Variants in ATP2B2 observed in about 807,000 individuals in gnomAD.
ATP2B2 encodes the protein ATPase plasma membrane Ca2+ transporting 2, also known as plasma membrane calcium-transporting ATPase 2.
Under a neutral mutation model 120.0 loss-of-function variants are expected in ATP2B2, and 15 were observed. The observed-to-expected ratio is 0.12, with a 90% CI of 0.08 to 0.19. The LOEUF (loss-of-function observed/expected upper bound fraction) is 0.19. Among genes scored for constraint, ATP2B2 ranks in the 10% least tolerant of loss-of-function variants. The pLI is 1.00. For synonymous variants in ATP2B2, 694 were observed against 700.3 expected (o/e 0.99, Z 0.14); for missense variants, 1,045 against 1,719.8 (o/e 0.61, Z 6.94).
intron 1 of ATP2B2, among the ~76,000 whole-genome samples, chr3:10,501,529 C>A (rs1320863643): frequency 6.6e-6 from 1 of 152,112 alleles, no homozygotes; most frequent in Non-Finnish European, 1.5e-5. Context: ...TGCCACCACA[C>A]CCTGCTAATT....
chr3:10,336,128 C>T lies in ATP2B2; in HGVS notation c.3420+2048G>A. The T allele has an allele frequency of 3.9e-6, 6 of 1,550,394 alleles. No homozygotes were observed. Among genetic ancestry groups the T allele is most frequent in the East Asian group, 2.4e-5 (1 of 40,914 alleles). Reference sequence around the variant, plus strand: ...CGGAGGCAGTAAGGAGTCACACTCACGCCCGGCTGCAGCAGGAGGAAGGCT... The same window carrying T: ...CGGAGGCAGTAAGGAGTCACACTCATGCCCGGCTGCAGCAGGAGGAAGGCT... On this transcript the variant is annotated intron_variant, in intron 22 of 22. Transcript: ENST00000360273.
Position 10,358,763 on chromosome 3 carries a change from G to A in ATP2B2, c.2064C>T (p.Asp688=), listed in dbSNP as rs1459767359. 1 of 1,614,224 alleles carries A rather than the reference G, an allele frequency of 6.2e-7. No individual in the cohort carries two copies. Among genetic ancestry groups the A allele is most frequent in the East Asian group, 2.2e-5 (1 of 44,876 alleles). Residue 688 remains aspartate, a synonymous_variant, in exon 14 of 23, where the codon GAC becomes GAT. Coordinates refer to ENST00000360273, the MANE Select transcript of ATP2B2 (RefSeq NM_001001331.4). ...DFPSSPEPDW[D]NENDILNELT... Reference sequence around the variant, plus strand: ...GTTCGTTGAGGATGTCATTCTCATTGTCCCAGTCCGGCTCCGGGCTGCTGG... The same window carrying A: ...GTTCGTTGAGGATGTCATTCTCATTATCCCAGTCCGGCTCCGGGCTGCTGG...
chr3:10,511,535 G>A (rs1474728821), intron 3 of ATP2B2, among the ~76,000 whole-genome samples: 1 of 152,170 alleles, frequency 6.6e-6, no homozygotes, highest in Non-Finnish European at 1.5e-5. Flanking sequence ...GACGCATTTA[G>A]GGGTCCTGGC....
Position 10,526,720 on chromosome 3 carries a change from A to G in ATP2B2, c.-320+7319T>C, listed in dbSNP as rs145618897. On this transcript the variant is annotated intron_variant, in intron 3 of 21. Transcript: ENST00000646379. The stretch of plus-strand genomic sequence containing the variant: ...CAGTGAGGGGGTGTGGGGAGTGGAA[A>G]GAATAGGGACTGAGGGGTAGGAGGA... Among the ~76,000 whole-genome samples, 372 of 152,220 alleles carry G rather than the reference A, an allele frequency of 2.4e-3. 6 individuals carry two copies. In the East Asian group the frequency reaches 0.033, roughly 14 times the overall value.
chr3:10,392,578 T>C (rs2061890394), intron 5 of ATP2B2, among the ~76,000 whole-genome samples: 1 of 152,190 alleles, frequency 6.6e-6, no homozygotes, highest in South Asian at 2.1e-4. Flanking sequence ...GGGAACCTCT[T>C]GGGGATGGAG....
At chr3:10,678,708 G>A (rs956417116) in intron 1 of ATP2B2, among the ~76,000 whole-genome samples, 4 of 152,106 alleles carry the variant, frequency 2.6e-5, no homozygotes, top group Non-Finnish European at 5.9e-5. Context: ...GTGTAACTTG[G>A]GTTAACCCAT....
intron 1 of ATP2B2, among the ~76,000 whole-genome samples, chr3:10,627,546 G>T (rs1219916262): frequency 2.0e-5 from 3 of 152,134 alleles, no homozygotes; most frequent in Non-Finnish European, 4.4e-5. Flanking sequence ...AGTTCTCCCA[G>T]CCTCTCTGAG....
chr3:10,386,232 G>C (rs2061674865), intron 7 of ATP2B2, among the ~76,000 whole-genome samples: 1 of 152,068 alleles, frequency 6.6e-6, no homozygotes, highest in Non-Finnish European at 1.5e-5. Context: ...TGTAGAGATG[G>C]GGGTGGTACC....
rs1261900831 is a variant in ATP2B2 at position 10,328,808 on chromosome 3, C to G, written c.*6G>C. 1.9e-6 allele frequency: 3 copies of G among 1,603,376 alleles called. No homozygotes were observed. In the African/African-American group the frequency reaches 4.0e-5, roughly 22 times the overall value. ...AGGGCGGGCGGGCAGGCGAGAGGGTCCTCAGCTAAAGCGACGTCTCCAGGC... is the reference window on the plus strand; with the variant it reads ...AGGGCGGGCGGGCAGGCGAGAGGGTGCTCAGCTAAAGCGACGTCTCCAGGC... On this transcript the variant is annotated 3_prime_UTR_variant, in exon 23 of 23. Coordinates refer to ENST00000360273, the MANE Select transcript of ATP2B2 (RefSeq NM_001001331.4).
intron 2 of ATP2B2, among the ~76,000 whole-genome samples, chr3:10,538,541 C>G (rs1054252653): frequency 2.0e-5 from 3 of 152,180 alleles, no homozygotes; most frequent in Non-Finnish European, 2.9e-5. Flanking sequence ...ATCAAGTTGG[C>G]TTCATTCCTG....
intron 2 of ATP2B2, among the ~76,000 whole-genome samples, chr3:10,618,160 CAAGGTATTTG>C (rs1279386854): frequency 3.9e-5 from 6 of 152,178 alleles, no homozygotes; most frequent in Non-Finnish European, 8.8e-5. Context: ...GGTGGCAAAA[CAAGGTATTTG>C]AAGTCAGATG....
At chr3:10,411,829 C>T (rs754798372) in intron 2 of ATP2B2, among the ~76,000 whole-genome samples, 3 of 152,212 alleles carry the variant, frequency 2.0e-5, no homozygotes, top group Non-Finnish European at 1.5e-5. Context: ...GTACTTTCTC[C>T]TCTTCTGGAC....
intron 1 of ATP2B2, among the ~76,000 whole-genome samples, chr3:10,451,365 C>G (rs1365590409): frequency 6.6e-6 from 1 of 150,760 alleles, no homozygotes; most frequent in Non-Finnish European, 1.5e-5. Flanking sequence ...GGACCCTGGG[C>G]AAGTTCCTTC....
At chr3:10,476,580 C>T (rs2065211578) in intron 1 of ATP2B2, among the ~76,000 whole-genome samples, 1 of 152,214 alleles carries the variant, frequency 6.6e-6, no homozygotes, top group African/African-American at 2.4e-5. Context: ...GTCTCCACAG[C>T]TTTTCTGTGG....
At chr3:10,475,111 G>A (rs1033114022) in intron 1 of ATP2B2, among the ~76,000 whole-genome samples, 8 of 152,242 alleles carry the variant, frequency 5.3e-5, no homozygotes, top group Admixed American at 1.3e-4. Context: ...GTGAGCGGGC[G>A]TCAGCACGAG....
At chr3:10,678,510 T>G (rs1187256254) in intron 1 of ATP2B2, among the ~76,000 whole-genome samples, 1 of 152,182 alleles carries the variant, frequency 6.6e-6, no homozygotes, top group Admixed American at 6.5e-5. Context: ...CCCTGGCTTC[T>G]GGGGGCCCAG....
At chr3:10,454,952 C>G (rs915253555) in intron 1 of ATP2B2, among the ~76,000 whole-genome samples, 4 of 152,146 alleles carry the variant, frequency 2.6e-5, no homozygotes, top group Non-Finnish European at 5.9e-5. Context: ...GTACACTTCA[C>G]ACTGTATTGC....
chr3:10,471,313 G>A (rs1364806773), intron 1 of ATP2B2, among the ~76,000 whole-genome samples: 2 of 151,938 alleles, frequency 1.3e-5, no homozygotes, highest in Admixed American at 6.6e-5. Flanking sequence ...TGTGTTCCAG[G>A]CCACGGGAGT....
At chr3:10,463,534 T>C (rs1244086231) in intron 1 of ATP2B2, among the ~76,000 whole-genome samples, 2 of 152,212 alleles carry the variant, frequency 1.3e-5, no homozygotes, top group African/African-American at 4.8e-5. Context: ...GTATCCCCTT[T>C]CACAGATGAG....
Sources: gnomAD v4.1 joint callset for allele counts (sites outside exome capture counted in the v4.1 genomes callset) on GRCh38, gnomAD v4.1.1 for gene constraint, MANE v1.5 for transcripts, NCBI Gene and HGNC (gene_info 2026-07-23, HGNC 2026-07-21) for gene names.